The following EBF1 variants were observed in gnomAD, a reference collection of about 807,000 sequenced individuals.
The protein encoded by EBF1 is transcription factor COE1.
A neutral mutation model predicts 68.4 loss-of-function variants in EBF1; 10 were observed. The ratio of observed to expected loss-of-function variants is 0.15; its 90% confidence interval spans 0.09 to 0.25. The LOEUF is 0.25. EBF1 is among the 10% of genes least tolerant of loss of function. EBF1 has a pLI of 1.00. For missense variants in EBF1, 509 were observed against 794.4 expected (o/e 0.64, Z 4.32); for synonymous variants, 298 against 299.8 (o/e 0.99, Z 0.06).
At chr5:159,053,015 G>A (rs1774088201) in intron 6 of EBF1, among the ~76,000 whole-genome samples, 1 of 152,230 alleles carries the variant, frequency 6.6e-6, no homozygotes, top group African/African-American at 2.4e-5. Flanking sequence ...CCAACAAAAG[G>A]AATAGCGATT....
chr5:158,739,673 T>C (rs1037182146), intron 10 of EBF1, among the ~76,000 whole-genome samples: 9 of 152,218 alleles, frequency 5.9e-5, no homozygotes, highest in African/African-American at 1.9e-4. Context: ...TTTCTTAACA[T>C]TTAAGGATAC....
chr5:158,731,533 T>G (rs1220131436), intron 10 of EBF1, among the ~76,000 whole-genome samples: 1 of 152,212 alleles, frequency 6.6e-6, no homozygotes, highest in East Asian at 1.9e-4. Flanking sequence ...ATCTATACAT[T>G]GTAAACAGCA....
chr5:158,822,351 T>C (rs1785058030), intron 8 of EBF1, among the ~76,000 whole-genome samples: 2 of 151,862 alleles, frequency 1.3e-5, no homozygotes, highest in Admixed American at 6.6e-5. Context: ...AACGGATGGA[T>C]GGATGAGTGG....
chr5:158,713,201 A>G, intron 12 of EBF1, 54 bp from the exon 13 acceptor site: 3 of 1,317,628 alleles, frequency 2.3e-6, no homozygotes, highest in South Asian at 5.1e-5. Context: ...ATTCCCAATA[A>G]TACCATTTTT....
chr5:158,758,011 A>G (rs1770519046), intron 10 of EBF1, among the ~76,000 whole-genome samples: 1 of 152,222 alleles, frequency 6.6e-6, no homozygotes, highest in South Asian at 2.1e-4. Context: ...AAAGTCTTTA[A>G]TAACAGCTAC....
In EBF1 at chr5:158,731,056, G is replaced by T. The variant is rs765978409; in HGVS notation, c.1125+13C>A. 6.2e-7 allele frequency: 1 copy of T among 1,611,340 alleles called. No homozygotes were observed. Among genetic ancestry groups the T allele is most frequent in the Non-Finnish European group, 8.5e-7 (1 of 1,178,420 alleles). The stretch of plus-strand genomic sequence containing the variant: ...CCAAATTTTCAGGAATTACAAAAAG[G>T]CAGTATCCTCACCTTTGGCAAACGC... On this transcript the variant is annotated intron_variant, in intron 11 of 15. Coordinates refer to ENST00000313708, the MANE Select transcript of EBF1 (RefSeq NM_024007.5).
At chr5:159,029,859 C>T (rs1218837421) in intron 6 of EBF1, among the ~76,000 whole-genome samples, 3 of 151,402 alleles carry the variant, frequency 2.0e-5, no homozygotes, top group South Asian at 2.1e-4. Context: ...GAGGCTGAGG[C>T]GAGAGTATCA....
chr5:159,016,628 A>G (rs998676272), intron 6 of EBF1, among the ~76,000 whole-genome samples: 2 of 152,194 alleles, frequency 1.3e-5, no homozygotes, highest in Non-Finnish European at 2.9e-5. Context: ...GAACCTAGGC[A>G]CCAAGGACTC....
In EBF1 at chr5:158,764,976, G is replaced by GTCTTT. The variant is rs1772341054; in HGVS notation, c.1036+12436_1036+12437insAAAGA. 2.0e-5 allele frequency among the ~76,000 whole-genome samples: 3 copies of GTCTTT among 152,196 alleles called. No individual in the cohort carries two copies. In the East Asian group the frequency reaches 5.8e-4, roughly 29 times the overall value. On this transcript the variant is annotated intron_variant, in intron 10 of 15. Coordinates refer to ENST00000313708, the MANE Select transcript of EBF1 (RefSeq NM_024007.5). ...TCCTCATAAAGAACAAAAAGGAATTGATGAATGAGAAAGGCTTTGTCAACT... is the reference window on the plus strand; with the variant it reads ...TCCTCATAAAGAACAAAAAGGAATTGTCTTTATGAATGAGAAAGGCTTTGTCAACT...
intron 6 of EBF1, among the ~76,000 whole-genome samples, chr5:159,055,212 T>A (rs1266897029): frequency 1.3e-5 from 2 of 152,194 alleles, no homozygotes; most frequent in South Asian, 4.1e-4. Flanking sequence ...CTTAAGCACA[T>A]GTTTAATAAT....
At chr5:158,945,644 T>C (rs1250334098) in intron 6 of EBF1, among the ~76,000 whole-genome samples, 1 of 152,262 alleles carries the variant, frequency 6.6e-6, no homozygotes, top group Non-Finnish European at 1.5e-5. Flanking sequence ...CTGACAATTA[T>C]GTGTCTTGGG....
chr5:158,857,551 T>C (rs983778735), intron 6 of EBF1, among the ~76,000 whole-genome samples: 4 of 152,146 alleles, frequency 2.6e-5, no homozygotes, highest in Non-Finnish European at 4.4e-5. Context: ...GGGCTATTTA[T>C]ACTCTTTGAA....
intron 6 of EBF1, among the ~76,000 whole-genome samples, chr5:158,850,135 T>G (rs1319626125): frequency 2.6e-5 from 4 of 152,208 alleles, no homozygotes; most frequent in Admixed American, 2.0e-4. Context: ...CTGCCATTGT[T>G]TTCCCATCAT....
chr5:159,004,764 G>C (rs892580437), intron 6 of EBF1, among the ~76,000 whole-genome samples: 1 of 152,160 alleles, frequency 6.6e-6, no homozygotes. Context: ...TAAGATCCTG[G>C]ATTCTTCATG....
At chr5:158,719,033 T>G (rs1761365205) in intron 11 of EBF1, among the ~76,000 whole-genome samples, 1 of 152,228 alleles carries the variant, frequency 6.6e-6, no homozygotes, top group Non-Finnish European at 1.5e-5. Context: ...CAGTTACTGA[T>G]TTTTAAAAGT....
rs1764105842 is a variant in EBF1 at position 158,731,597 on chromosome 5, T to TA, written c.1037-441dup. Among the ~76,000 whole-genome samples, 3 of 152,304 alleles carry TA rather than the reference T, an allele frequency of 2.0e-5. No individual in the cohort carries two copies. The South Asian group carries it at 6.2e-4, about 32-fold the overall frequency. On this transcript the variant is annotated intron_variant, in intron 10 of 15. Transcript: ENST00000313708. ...AAAATCCTTAGCGGACCTCAGCTGATACAATATCTCAGCACAAATAAGCAT... is the reference window on the plus strand; with the variant it reads ...AAAATCCTTAGCGGACCTCAGCTGATAACAATATCTCAGCACAAATAAGCAT...
intron 6 of EBF1, among the ~76,000 whole-genome samples, chr5:158,903,403 C>A (rs1467199078): frequency 6.6e-6 from 1 of 152,036 alleles, no homozygotes; most frequent in Non-Finnish European, 1.5e-5. Context: ...AGTTCCAAAT[C>A]AGGTCAGCAA....
chr5:158,713,516 A>C (rs1258485667), intron 12 of EBF1, among the ~76,000 whole-genome samples: 1 of 152,184 alleles, frequency 6.6e-6, no homozygotes, highest in Non-Finnish European at 1.5e-5. Flanking sequence ...ACATGTAGGA[A>C]GTCTGAGGTT....
chr5:159,065,247 C>A (rs907019388), intron 6 of EBF1, among the ~76,000 whole-genome samples: 1 of 152,106 alleles, frequency 6.6e-6, no homozygotes, highest in Middle Eastern at 3.2e-3. Flanking sequence ...ATGGTTGCTT[C>A]AGGAAGGTGG....
Sources: allele counts gnomAD v4.1 joint callset (sites outside exome capture counted in the v4.1 genomes callset), GRCh38; gene constraint gnomAD v4.1.1; transcripts MANE v1.5; gene names NCBI Gene and HGNC (gene_info 2026-07-23, HGNC 2026-07-21).